The following PTPRT variants were observed in gnomAD, a reference collection of about 807,000 sequenced individuals.
The protein encoded by PTPRT is protein tyrosine phosphatase receptor type T, also known as receptor-type tyrosine-protein phosphatase T.
PTPRT carries 56 observed loss-of-function variants against 176.8 expected under a neutral mutation model. The observed-to-expected ratio is 0.32, with a 90% CI of 0.26 to 0.40. The LOEUF (loss-of-function observed/expected upper bound fraction) is 0.40. Ranked by LOEUF, PTPRT falls within the 10% of genes least tolerant of loss-of-function variation. The pLI is 1.00. For synonymous variants in PTPRT, 783 were observed against 739.0 expected (o/e 1.06, Z -0.96); for missense variants, 1,540 against 1,908.2 (o/e 0.81, Z 3.60).
intron 1 of PTPRT, among the ~76,000 whole-genome samples, chr20:43,122,943 T>A (rs899478623): frequency 7.2e-5 from 11 of 152,172 alleles, no homozygotes; most frequent in African/African-American, 1.4e-4. Flanking sequence ...AGCCTCCACC[T>A]CCTGTGTTCA....
At chr20:42,990,600 G>A (rs1210987090) in intron 1 of PTPRT, among the ~76,000 whole-genome samples, 2 of 152,092 alleles carry the variant, frequency 1.3e-5, no homozygotes, top group Non-Finnish European at 1.5e-5. Context: ...CCAAAAAAGT[G>A]TGTTCAACAC....
chr20:42,249,985 AT>A (rs925560531), intron 13 of PTPRT, among the ~76,000 whole-genome samples: 1 of 152,076 alleles, frequency 6.6e-6, no homozygotes, highest in Non-Finnish European at 1.5e-5. Context: ...TTCCTAACTC[AT>A]TCCTTCTTTT....
chr20:42,769,473 G>A (rs2077031950), intron 5 of PTPRT, among the ~76,000 whole-genome samples: 1 of 152,202 alleles, frequency 6.6e-6, no homozygotes, highest in Non-Finnish European at 1.5e-5. Context: ...TGACCATACT[G>A]AGTGCTGGTG....
chr20:42,530,021 G>C (rs1392415453), intron 7 of PTPRT, among the ~76,000 whole-genome samples: 2 of 152,118 alleles, frequency 1.3e-5, no homozygotes, highest in Non-Finnish European at 2.9e-5. Context: ...ACCTGAAAGA[G>C]CACAGCAAGG....
At chr20:42,662,661 C>T (rs952354989) in intron 7 of PTPRT, among the ~76,000 whole-genome samples, 2 of 152,136 alleles carry the variant, frequency 1.3e-5, no homozygotes, top group African/African-American at 4.8e-5. Flanking sequence ...GGCTGTCCAG[C>T]ATCCTAAGGA....
chr20:42,770,051 C>T (rs1006180215), intron 5 of PTPRT, among the ~76,000 whole-genome samples: 1 of 152,202 alleles, frequency 6.6e-6, no homozygotes, highest in Admixed American at 6.5e-5. Flanking sequence ...AATAGTTTCA[C>T]ATGTAAACAT....
chr20:42,515,133 C>T (rs2072036699), intron 7 of PTPRT, among the ~76,000 whole-genome samples: 1 of 152,170 alleles, frequency 6.6e-6, no homozygotes, highest in Non-Finnish European at 1.5e-5. Context: ...TAATCTATCT[C>T]TCTATTTAGG....
At chr20:43,060,356 G>A (rs745572238) in intron 1 of PTPRT, among the ~76,000 whole-genome samples, 1 of 152,104 alleles carries the variant, frequency 6.6e-6, no homozygotes, top group Non-Finnish European at 1.5e-5. Context: ...TTCCTCACAT[G>A]GTGTGAGGGA....
At chr20:42,238,253 G>C (rs1458626246) in intron 14 of PTPRT, among the ~76,000 whole-genome samples, 1 of 152,182 alleles carries the variant, frequency 6.6e-6, no homozygotes, top group Non-Finnish European at 1.5e-5. Flanking sequence ...CAGAAGGAAA[G>C]TGAGTCTAAA....
intron 7 of PTPRT, among the ~76,000 whole-genome samples, chr20:42,579,661 G>A (rs1347453543): frequency 6.6e-6 from 1 of 152,206 alleles, no homozygotes; most frequent in Admixed American, 6.5e-5. Flanking sequence ...GATGGCCAGT[G>A]ATGATGAGCA....
At chr20:42,212,321 A>C (rs1010502600) in intron 15 of PTPRT, among the ~76,000 whole-genome samples, 1 of 149,676 alleles carries the variant, frequency 6.7e-6, no homozygotes, top group African/African-American at 2.4e-5. Context: ...AAAAAGACAA[A>C]AAAAAAAAAA....
chr20:42,909,529 G>A (rs1435060345), intron 1 of PTPRT, among the ~76,000 whole-genome samples: 1 of 152,222 alleles, frequency 6.6e-6, no homozygotes, highest in Non-Finnish European at 1.5e-5. Context: ...GATAGACTGT[G>A]AAGCTTAAGC....
chr20:42,800,752 G>C (rs941164619), intron 2 of PTPRT, among the ~76,000 whole-genome samples: 1 of 152,142 alleles, frequency 6.6e-6, no homozygotes, highest in Non-Finnish European at 1.5e-5. Flanking sequence ...TGGAAAGGGG[G>C]AGAAAAGACA....
In PTPRT at chr20:42,575,813, C is replaced by A. The variant is rs575281882; in HGVS notation, c.1153+102053G>T. On this transcript the variant is annotated intron_variant, in intron 7 of 30. Coordinates refer to ENST00000373187, the MANE Select transcript of PTPRT (RefSeq NM_007050.6). Reference sequence around the variant, plus strand: ...TGAACCTGCCCACTTTTCTCCAGCGCCCACACCCTCGCCACACTAGTCCAG... The same window carrying A: ...TGAACCTGCCCACTTTTCTCCAGCGACCACACCCTCGCCACACTAGTCCAG... Among the ~76,000 whole-genome samples the A allele has an allele frequency of 8.5e-5, 13 of 152,194 alleles. No individual in the cohort carries two copies. The South Asian group carries it at 2.1e-3, about 24-fold the overall frequency.
chr20:43,082,599 C>T (rs1200068002), intron 1 of PTPRT, among the ~76,000 whole-genome samples: 1 of 152,114 alleles, frequency 6.6e-6, no homozygotes, highest in African/African-American at 2.4e-5. Context: ...CTCCCTCCCC[C>T]TGTTTTTTCA....
At chr20:42,533,502 T>C (rs944040318) in intron 7 of PTPRT, among the ~76,000 whole-genome samples, 10 of 152,088 alleles carry the variant, frequency 6.6e-5, no homozygotes, top group African/African-American at 2.2e-4. Context: ...GGGCAGTGTG[T>C]TCTCGCTTTG....
intron 9 of PTPRT, among the ~76,000 whole-genome samples, chr20:42,393,683 T>C (rs16986835): frequency 0.068 from 10,364 of 152,284 alleles, 440 homozygotes; most frequent in African/African-American, 0.12. Context: ...ATTTAACATG[T>C]CTAAAACTGA....
At chr20:42,805,333 A>G (rs2077590031) in intron 2 of PTPRT, among the ~76,000 whole-genome samples, 1 of 152,146 alleles carries the variant, frequency 6.6e-6, no homozygotes, top group Non-Finnish European at 1.5e-5. Context: ...CCTGAAGAAG[A>G]GGCTTAATGG....
intron 21 of PTPRT, among the ~76,000 whole-genome samples, chr20:42,116,386 T>C (rs1339036663): frequency 5.9e-5 from 9 of 152,164 alleles, no homozygotes; most frequent in African/African-American, 2.2e-4. Flanking sequence ...AACACTGGTA[T>C]AGTGCAACAG....
Sources: gnomAD v4.1 joint callset for allele counts (sites outside exome capture counted in the v4.1 genomes callset) on GRCh38, gnomAD v4.1.1 for gene constraint, MANE v1.5 for transcripts, NCBI Gene and HGNC (gene_info 2026-07-23, HGNC 2026-07-21) for gene names.